SLC4A4: variants seen among roughly 807,000 people sequenced by gnomAD.
SLC4A4 encodes electrogenic sodium bicarbonate cotransporter 1.
A neutral mutation model predicts 111.5 loss-of-function variants in SLC4A4; 27 were observed. That is an observed-to-expected ratio of 0.24 (90% confidence interval 0.18 to 0.33). The LOEUF is 0.33. SLC4A4 is among the 10% of genes least tolerant of loss of function. The pLI, the probability that SLC4A4 is intolerant of heterozygous loss-of-function variation, is 1.00. For synonymous variants in SLC4A4, 443 were observed against 463.4 expected, an observed-to-expected ratio of 0.96 and a Z score of 0.57; for missense variants, 909 against 1,315.5, an observed-to-expected ratio of 0.69 and a Z score of 4.78.
At chr4:71,412,867 C>T (rs941933979) in intron 7 of SLC4A4, among the ~76,000 whole-genome samples, 10 of 152,136 alleles carry the variant, frequency 6.6e-5, no homozygotes, top group African/African-American at 2.2e-4. Context: ...ATAAACTAGT[C>T]AATCTTTAAG....
intron 7 of SLC4A4, among the ~76,000 whole-genome samples, chr4:71,421,509 C>A (rs1364876891): frequency 6.6e-6 from 1 of 152,172 alleles, no homozygotes; most frequent in Non-Finnish European, 1.5e-5. Context: ...ACAGAACTCT[C>A]CACCCCAAAT....
chr4:71,480,267 G>A (rs566810837), intron 14 of SLC4A4, among the ~76,000 whole-genome samples: 50 of 151,482 alleles, frequency 3.3e-4, no homozygotes, highest in Admixed American at 5.3e-4. Flanking sequence ...CTTGTGAAGA[G>A]TGCCTGTAGA....
At position 71,135,301 on chromosome 4, in the gene SLC4A4, T is replaced by G. The variant is rs1246082325; in HGVS notation, c.-2+42509T>G. ...TGGTAAGAACACAATCTACTCTTTT[T>G]TTTTTTTTTTTTGAGACAGAGTCTC... On this transcript the variant is annotated intron_variant, in intron 2 of 26. Coordinates refer to the SLC4A4 transcript ENST00000649996. 2.0e-5 allele frequency among the ~76,000 whole-genome samples: 3 copies of G among 149,894 alleles called. No individual in the cohort carries two copies. In the South Asian group the frequency reaches 6.5e-4, roughly 32 times the overall value.
chr4:71,132,812 C>G (rs1265941705), intron 2 of SLC4A4, among the ~76,000 whole-genome samples: 1 of 152,216 alleles, frequency 6.6e-6, no homozygotes, highest in East Asian at 1.9e-4. Flanking sequence ...TGACCCTAAG[C>G]AATCCAGTAA....
intron 2 of SLC4A4, among the ~76,000 whole-genome samples, chr4:71,157,970 T>G (rs76288702): frequency 2.0e-5 from 3 of 152,056 alleles, no homozygotes; most frequent in East Asian, 1.9e-4. Flanking sequence ...TGATGAAAAA[T>G]GAATTTCATG....
intron 6 of SLC4A4, among the ~76,000 whole-genome samples, chr4:71,388,032 T>G (rs920965969): frequency 2.0e-5 from 3 of 152,308 alleles, no homozygotes; most frequent in East Asian, 1.9e-4. Context: ...GGTCAGTGCC[T>G]GTTTGGAATG....
chr4:71,229,326 C>T (rs1023125446), intron 1 of SLC4A4, among the ~76,000 whole-genome samples: 5 of 152,140 alleles, frequency 3.3e-5, no homozygotes, highest in African/African-American at 1.2e-4. Context: ...TGGATTAATT[C>T]TGGACTTTTC....
At chr4:71,292,142 G>C (rs1467337181) in intron 3 of SLC4A4, among the ~76,000 whole-genome samples, 2 of 152,190 alleles carry the variant, frequency 1.3e-5, no homozygotes, top group East Asian at 3.8e-4. Flanking sequence ...ATTAGCAGTA[G>C]TCTCAATTAT....
At chr4:71,553,615 G>C (rs1307956817) in intron 20 of SLC4A4, among the ~76,000 whole-genome samples, 1 of 142,470 alleles carries the variant, frequency 7.0e-6, no homozygotes. Flanking sequence ...AATTGAAAAT[G>C]AAATGACAAG....
At chr4:71,544,214 C>T (rs1735307447) in intron 18 of SLC4A4, among the ~76,000 whole-genome samples, 1 of 151,894 alleles carries the variant, frequency 6.6e-6, no homozygotes, top group Non-Finnish European at 1.5e-5. Context: ...CTTATCTCAC[C>T]TAGGTTGAGG....
chr4:71,538,653 G>C (rs1273385107), intron 18 of SLC4A4, among the ~76,000 whole-genome samples: 3 of 152,100 alleles, frequency 2.0e-5, no homozygotes, highest in South Asian at 4.1e-4. Flanking sequence ...TAGAAGCATT[G>C]TGGTATTAAA....
chr4:71,273,365 G>A (rs1028889911), intron 3 of SLC4A4, among the ~76,000 whole-genome samples: 5 of 152,154 alleles, frequency 3.3e-5, no homozygotes, highest in Non-Finnish European at 2.9e-5. Flanking sequence ...AATTGGGGCA[G>A]GAATTCAGAA....
chr4:71,407,324 T>C (rs1720951841), intron 7 of SLC4A4, among the ~76,000 whole-genome samples: 1 of 152,202 alleles, frequency 6.6e-6, no homozygotes, highest in African/African-American at 2.4e-5. Context: ...TGTTATGTGC[T>C]GATACTCTGG....
At chr4:71,536,217 C>T (rs556932334) in intron 18 of SLC4A4, among the ~76,000 whole-genome samples, 1 of 151,282 alleles carries the variant, frequency 6.6e-6, no homozygotes, top group South Asian at 2.1e-4. Flanking sequence ...CTTTACTTTG[C>T]TGTAGTCAAT....
intron 2 of SLC4A4, among the ~76,000 whole-genome samples, chr4:71,157,583 C>T (rs547709289): frequency 6.6e-6 from 1 of 152,056 alleles, no homozygotes; most frequent in South Asian, 2.1e-4. Flanking sequence ...ATGTAATGTA[C>T]AAATTCATAG....
intron 2 of SLC4A4, among the ~76,000 whole-genome samples, chr4:71,146,294 T>G (rs1025510492): frequency 1.3e-5 from 2 of 152,216 alleles, no homozygotes; most frequent in Non-Finnish European, 2.9e-5. Flanking sequence ...CTAGTTTGAT[T>G]GCACTGTGGT....
chr4:71,358,397 A>G (rs1467428732), intron 6 of SLC4A4, among the ~76,000 whole-genome samples: 4 of 152,046 alleles, frequency 2.6e-5, no homozygotes, highest in South Asian at 2.1e-4. Context: ...TCAGAATAAC[A>G]TAAAACCGGT....
At chr4:71,169,465 C>A (rs1319888294) in intron 2 of SLC4A4, among the ~76,000 whole-genome samples, 4 of 152,130 alleles carry the variant, frequency 2.6e-5, no homozygotes, top group Non-Finnish European at 5.9e-5. Context: ...TGTCGAGCAC[C>A]TTTTCATATA....
intron 6 of SLC4A4, among the ~76,000 whole-genome samples, chr4:71,383,737 A>C (rs1718393497): frequency 6.6e-6 from 1 of 152,140 alleles, no homozygotes; most frequent in African/African-American, 2.4e-5. Context: ...TCCTGATAAG[A>C]TATTTTTATT....
Sources: allele counts gnomAD v4.1 joint callset (sites outside exome capture counted in the v4.1 genomes callset), GRCh38; gene constraint gnomAD v4.1.1; transcripts MANE v1.5; gene names NCBI Gene and HGNC (gene_info 2026-07-23, HGNC 2026-07-21).